Variants in ANKEF1 observed in about 807,000 individuals in gnomAD.
ANKEF1 encodes ankyrin repeat and EF-hand domain-containing protein 1.
ANKEF1 carries 43 observed loss-of-function variants against 65.1 expected under a neutral mutation model. The ratio of observed to expected loss-of-function variants is 0.66; its 90% CI spans 0.52 to 0.85. The LOEUF (loss-of-function observed/expected upper bound fraction) is 0.85. Among genes scored for constraint, ANKEF1 ranks in the 40% least tolerant of loss-of-function variants. ANKEF1 has a pLI of 0.00. For missense variants in ANKEF1, 934 were observed against 952.9 expected (o/e 0.98, Z 0.26); for synonymous variants, 316 against 341.5 (o/e 0.93, Z 0.82).
At chr20:10,038,171 C>CT in intron 2 of ANKEF1, 87 bp from the exon 3 acceptor site, 1 of 545,914 alleles carries the variant, frequency 1.8e-6, no homozygotes, top group Non-Finnish European at 3.1e-6. Context: ...AATCTCTGTT[C>CT]TTAAGGAAGT....
chr20:10,050,999 T>A (rs1984829284), intron 7 of ANKEF1, among the ~76,000 whole-genome samples: 1 of 152,212 alleles, frequency 6.6e-6, no homozygotes, highest in African/African-American at 2.4e-5. Flanking sequence ...AATTCCTTCT[T>A]CTACCATAGT....
Position 10,050,100 on chromosome 20 carries a change from G to A in ANKEF1, c.1531G>A (p.Ala511Thr). 6.2e-7 allele frequency: 1 copy of A among 1,614,122 alleles called. No individual in the cohort carries two copies. Among genetic ancestry groups the A allele is most frequent in the Non-Finnish European group, 8.5e-7 (1 of 1,180,012 alleles). ...KAGDLASLKKAFESGIPVDMK... is the reference protein window; with the variant it reads ...KAGDLASLKKTFESGIPVDMK... ...AGGGGATCTGGCTTCTCTGAAAAAG[G>A]CCTTTGAATCAGGAATACCTGTGGA... Residue 511 changes from alanine to threonine, a missense_variant, in exon 7 of 11, where the codon GCC becomes ACC. Transcript: ENST00000378392.
At chr20:10,054,335 A>G (rs962363395) in intron 9 of ANKEF1, 127 bp from the exon 10 acceptor site, 1 of 706,084 alleles carries the variant, frequency 1.4e-6, no homozygotes, top group Non-Finnish European at 2.2e-6. Flanking sequence ...TTTATCTCAA[A>G]TTATAACTTG....
intron 7 of ANKEF1, 106 bp from the exon 8 acceptor site, chr20:10,051,557 A>T: frequency 2.4e-6 from 2 of 839,028 alleles, no homozygotes; most frequent in Non-Finnish European, 3.7e-6. Context: ...CACAAAGTTT[A>T]CAATTTAGCA....
chr20:10,040,187 A>G (rs1332895882), intron 3 of ANKEF1, among the ~76,000 whole-genome samples: 3 of 152,256 alleles, frequency 2.0e-5, no homozygotes, highest in Non-Finnish European at 4.4e-5. Flanking sequence ...CTCACTCTGC[A>G]TAACCCAAGG....
At chr20:10,038,159 A>G in intron 2 of ANKEF1, 99 bp from the exon 3 acceptor site, 1 of 508,066 alleles carries the variant, frequency 2.0e-6, no homozygotes, top group East Asian at 3.0e-5. Context: ...TTCTTAAAAA[A>G]CAATCTCTGT....
chr20:10,038,461 T>C lies in ANKEF1; in HGVS notation c.160T>C (p.Leu54=). The C allele has an allele frequency of 6.2e-7, 1 of 1,614,234 alleles. No homozygotes were observed. The highest frequency in any genetic ancestry group is 8.5e-7 in the Non-Finnish European group (1 of 1,180,026). ...CATTAATGGACTTAGTGCTTTGCAC[T>C]TAGCCTCAGTTTCCAATGATATTGA... ...EPINGLSALH[L]ASVSNDIDMV... The change falls in exon 3 of 11, where the codon TTA becomes CTA. Residue 54 remains leucine, a synonymous_variant. Transcript: ENST00000378392.
Position 10,055,595 on chromosome 20 carries a change from A to G in ANKEF1, c.2266A>G (p.Met756Val). The G allele has an allele frequency of 1.2e-6, 2 of 1,613,852 alleles. No individual in the cohort carries two copies. Among genetic ancestry groups the G allele is most frequent in the Non-Finnish European group, 1.7e-6 (2 of 1,179,812 alleles). The change falls in exon 11 of 11, where the codon ATG (methionine) becomes GTG (valine). Residue 756 changes from methionine to valine, a missense_variant. By Grantham distance (21) the Met-to-Val change is conservative. Coordinates refer to ENST00000378392, the MANE Select transcript of ANKEF1 (RefSeq NM_022096.6). Reference sequence around the variant, plus strand: ...ACATGAGGTGGACTTCGACGATTTTATGATGCCTTTTCAGAAGAACATCAC... The same window carrying G: ...ACATGAGGTGGACTTCGACGATTTTGTGATGCCTTTTCAGAAGAACATCAC... Reference protein sequence around the residue: ...FTHEVDFDDFMMPFQKNITEK... With the variant: ...FTHEVDFDDFVMPFQKNITEK...
chr20:10,041,576 T>C (rs996848743), intron 3 of ANKEF1, among the ~76,000 whole-genome samples: 3 of 152,174 alleles, frequency 2.0e-5, no homozygotes, highest in Admixed American at 2.0e-4. Flanking sequence ...CCTTACCTGC[T>C]TTACATAATA....
intron 2 of ANKEF1, among the ~76,000 whole-genome samples, chr20:10,036,569 C>G (rs938793401): frequency 3.3e-5 from 5 of 152,302 alleles, no homozygotes; most frequent in Middle Eastern, 3.4e-3. Context: ...AGGCCTGGCC[C>G]GGTGGCTCAC....
intron 9 of ANKEF1, among the ~76,000 whole-genome samples, chr20:10,053,826 C>T (rs989141400): frequency 3.3e-5 from 5 of 152,088 alleles, no homozygotes; most frequent in South Asian, 2.1e-4. Context: ...AGGTTTTCAA[C>T]GTTTCTGGTA....
chr20:10,054,415 T>C, intron 9 of ANKEF1, 47 bp from the exon 10 acceptor site: 1 of 1,417,956 alleles, frequency 7.1e-7, no homozygotes. Flanking sequence ...TATTAGAAAA[T>C]CAGTATAGAT....
intron 6 of ANKEF1, among the ~76,000 whole-genome samples, chr20:10,048,694 C>A (rs912762161): frequency 1.1e-4 from 16 of 152,054 alleles, no homozygotes; most frequent in African/African-American, 3.9e-4. Flanking sequence ...AAGTTTATTT[C>A]TTTGGTGAAT....
rs545567330 is a variant in ANKEF1, at chr20:10,056,231, A to G, written c.*571A>G. ...GTTTATTTCTCACATGCCATTATAA[A>G]CTATGTGTATTAGATACCTTGGGTT... On this transcript the variant is annotated 3_prime_UTR_variant, in exon 11 of 11. Transcript: ENST00000378392. The G allele has an allele frequency of 5.2e-5, 8 of 154,124 alleles. No homozygotes were observed. The highest frequency in any genetic ancestry group is 1.2e-4 in the Non-Finnish European group (8 of 69,226). 9.5% of individuals were successfully genotyped at this position (154,124 alleles called of 1,614,324 possible).
At position 10,057,173 on chromosome 20, in the gene ANKEF1, C is replaced by T. The variant is rs1985220680; in HGVS notation, c.*1513C>T. On this transcript the variant is annotated 3_prime_UTR_variant, in exon 11 of 11. Coordinates refer to ENST00000378392, the MANE Select transcript of ANKEF1 (RefSeq NM_022096.6). ...CACGTATGGATTAAACCCCTTTCCT[C>T]TAACCTCCTCCCTCTCTTTCCAACC... 6.6e-6 allele frequency: 1 copy of T among 152,176 alleles called. No individual in the cohort carries two copies. The highest frequency in any genetic ancestry group is 2.4e-5 in the African/African-American group (1 of 41,436). The allele number at this position is 152,176 out of a possible 1,614,324, so 9.4% of individuals were successfully genotyped here.
chr20:10,043,863 A>G (rs1199218177), intron 4 of ANKEF1, among the ~76,000 whole-genome samples: 2 of 151,796 alleles, frequency 1.3e-5, no homozygotes, highest in Non-Finnish European at 2.9e-5. Flanking sequence ...GGGTTTTACC[A>G]TGTTGGCCAG....
chr20:10,054,925 C>T (rs927462392), intron 10 of ANKEF1, among the ~76,000 whole-genome samples: 1 of 152,130 alleles, frequency 6.6e-6, no homozygotes, highest in East Asian at 1.9e-4. Context: ...ACTTCTCAGA[C>T]CCAACCCTTC....
At chr20:10,036,263 C>A (rs898540164) in intron 2 of ANKEF1, among the ~76,000 whole-genome samples, 1 of 152,202 alleles carries the variant, frequency 6.6e-6, no homozygotes, top group African/African-American at 2.4e-5. Flanking sequence ...ACAGAGGCAA[C>A]ATTGAAGTCC....
intron 4 of ANKEF1, among the ~76,000 whole-genome samples, chr20:10,044,143 T>A (rs1984365613): frequency 6.6e-6 from 1 of 152,210 alleles, no homozygotes; most frequent in African/African-American, 2.4e-5. Context: ...AATACATTTT[T>A]TAGCATGATA....
Sources: allele counts gnomAD v4.1 joint callset (sites outside exome capture counted in the v4.1 genomes callset), GRCh38; gene constraint gnomAD v4.1.1; transcripts MANE v1.5; gene names NCBI Gene and HGNC (gene_info 2026-07-23, HGNC 2026-07-21).